Variants in RPL39L observed in about 807,000 individuals in gnomAD.
The protein encoded by RPL39L is ribosomal protein L39 like, also known as ribosomal protein eL39-like 2.
For synonymous variants in RPL39L, 16 were observed against 20.1 expected, an observed-to-expected ratio of 0.80 and a Z score of 0.55; for missense variants, 48 against 58.9, an observed-to-expected ratio of 0.81 and a Z score of 0.61.
At chr3:187,122,742 G>A (rs1023234757) in intron 2 of RPL39L, among the ~76,000 whole-genome samples, 36 of 152,100 alleles carry the variant, frequency 2.4e-4, no homozygotes, top group East Asian at 1.2e-3. Flanking sequence ...ATGAAGGATG[G>A]GCACTATAGT....
rs550005166 is a variant in RPL39L at position 187,133,565 on chromosome 3, A to G, written c.-92-5503T>C. On this transcript the variant is annotated intron_variant, in intron 1 of 2. Transcript: ENST00000296277. ...GGGAAGTAAGCTCTTACTGTGGAAA[A>G]GGCAAAAAATCTGCCCAGACCTTTC... Among the ~76,000 whole-genome samples the G allele has an allele frequency of 9.6e-4, 146 of 152,240 alleles. 2 individuals carry two copies. Among genetic ancestry groups the G allele is most frequent in the South Asian group, 8.3e-4 (4 of 4,820 alleles).
At chr3:187,135,205 A>G (rs1455446990) in intron 1 of RPL39L, among the ~76,000 whole-genome samples, 1 of 152,158 alleles carries the variant, frequency 6.6e-6, no homozygotes, top group East Asian at 1.9e-4. Context: ...GGCTTTGTCA[A>G]ATACTGTGGC....
intron 2 of RPL39L, among the ~76,000 whole-genome samples, chr3:187,121,718 A>G (rs972352178): frequency 6.6e-6 from 1 of 152,238 alleles, no homozygotes; most frequent in Admixed American, 6.5e-5. Flanking sequence ...ACTAAAAAAA[A>G]CTATTATCCC....
intron 1 of RPL39L, among the ~76,000 whole-genome samples, chr3:187,137,716 T>C: frequency 6.6e-6 from 1 of 150,766 alleles, no homozygotes; most frequent in Non-Finnish European, 1.5e-5. Context: ...CAATCCCAGC[T>C]ACTCGGGAGG....
intron 2 of RPL39L, among the ~76,000 whole-genome samples, 184 bp from the exon 3 acceptor site, chr3:187,121,512 A>G (rs56053708): frequency 0.034 from 5,246 of 152,252 alleles, 305 homozygotes; most frequent in African/African-American, 0.12. Context: ...GAGGAGTCTG[A>G]TGGCTGTTCT....
intron 1 of RPL39L, among the ~76,000 whole-genome samples, chr3:187,133,961 ACAAGATGCTTGG>A (rs1720528612): frequency 6.6e-6 from 1 of 152,184 alleles, no homozygotes; most frequent in Non-Finnish European, 1.5e-5. Context: ...ACTGTCCTAC[ACAAGATGCTTGG>A]CATTTGATAA....
At chr3:187,129,493 C>T (rs1443638170) in intron 1 of RPL39L, among the ~76,000 whole-genome samples, 1 of 152,226 alleles carries the variant, frequency 6.6e-6, no homozygotes, top group African/African-American at 2.4e-5. Flanking sequence ...TGCTCCTCCT[C>T]CTCCTCATTG....
intron 1 of RPL39L, among the ~76,000 whole-genome samples, chr3:187,132,935 A>G (rs755089403): frequency 1.1e-4 from 16 of 152,202 alleles, no homozygotes; most frequent in African/African-American, 1.4e-4. Context: ...CTGGCAAAGG[A>G]GCAAAGGGAC....
intron 2 of RPL39L, among the ~76,000 whole-genome samples, chr3:187,123,410 G>A (rs985306155): frequency 6.6e-5 from 10 of 152,184 alleles, no homozygotes; most frequent in African/African-American, 2.4e-4. Context: ...TACTATTTCT[G>A]CCCAATCCTT....
intron 1 of RPL39L, among the ~76,000 whole-genome samples, chr3:187,137,728 T>G (rs148167130): frequency 6.7e-6 from 1 of 150,130 alleles, no homozygotes; most frequent in East Asian, 2.0e-4. Context: ...CTCGGGAGGC[T>G]GAGACGGGAG....
intron 2 of RPL39L, among the ~76,000 whole-genome samples, chr3:187,122,275 G>T (rs1180451788): frequency 6.6e-6 from 1 of 152,158 alleles, no homozygotes; most frequent in African/African-American, 2.4e-5. Context: ...TGATTCAGAT[G>T]CAAAATAATG....
intron 1 of RPL39L, among the ~76,000 whole-genome samples, chr3:187,138,271 G>A (rs1368165327): frequency 3.3e-5 from 5 of 152,152 alleles, no homozygotes; most frequent in Non-Finnish European, 7.3e-5. Flanking sequence ...TAAAAATTAA[G>A]AATTTCAAGA....
chr3:187,136,756 C>T lies in RPL39L; in HGVS notation c.-93+2457G>A, dbSNP rs537231729. 5.9e-5 allele frequency among the ~76,000 whole-genome samples: 9 copies of T among 151,742 alleles called. No individual in the cohort carries two copies. The South Asian group carries it at 1.5e-3, about 25-fold the overall frequency. ...TCCCAAAGAAATATAATGTGAGCCC[C>T]ACATATAGTTACAATTTAAAATTTT... On this transcript the variant is annotated intron_variant, in intron 1 of 2. Coordinates refer to ENST00000296277, the MANE Select transcript of RPL39L (RefSeq NM_052969.3).
intron 1 of RPL39L, among the ~76,000 whole-genome samples, chr3:187,129,195 T>C (rs1049691329): frequency 1.3e-5 from 2 of 152,336 alleles, no homozygotes; most frequent in East Asian, 1.9e-4. Context: ...TTCAAGATAA[T>C]ATAGCTCAGG....
chr3:187,133,302 GT>G (rs1306934274), intron 1 of RPL39L, among the ~76,000 whole-genome samples: 2 of 152,140 alleles, frequency 1.3e-5, no homozygotes, highest in Non-Finnish European at 2.9e-5. Context: ...CATGTGGGTG[GT>G]TTCCCCCGTG....
chr3:187,138,741 GGGGGTGCCTGA>G (rs1720631441), intron 1 of RPL39L, among the ~76,000 whole-genome samples: 1 of 152,148 alleles, frequency 6.6e-6, no homozygotes, highest in African/African-American at 2.4e-5. Flanking sequence ...GCTAGAAACA[GGGGGTGCCTGA>G]GTGGCCTCCA....
chr3:187,126,450 C>G (rs1720399855), intron 2 of RPL39L, among the ~76,000 whole-genome samples: 1 of 152,146 alleles, frequency 6.6e-6, no homozygotes. Context: ...AGGCTTGAGC[C>G]ACCACGCCCG....
intron 2 of RPL39L, among the ~76,000 whole-genome samples, chr3:187,124,350 G>A (rs769612507): frequency 3.9e-5 from 6 of 152,120 alleles, no homozygotes; most frequent in Non-Finnish European, 7.4e-5. Flanking sequence ...CTAGAAACTG[G>A]ATAGCCTATG....
intron 1 of RPL39L, among the ~76,000 whole-genome samples, chr3:187,135,915 A>C (rs1479957202): frequency 6.6e-6 from 1 of 152,254 alleles, no homozygotes. Flanking sequence ...AGACAGAGCA[A>C]GAGAGATGCC....
Sources: gnomAD v4.1 joint callset for allele counts (sites outside exome capture counted in the v4.1 genomes callset) on GRCh38, gnomAD v4.1.1 for gene constraint, MANE v1.5 for transcripts, NCBI Gene and HGNC (gene_info 2026-07-23, HGNC 2026-07-21) for gene names.